ACVR2B: variants seen among roughly 807,000 people sequenced by gnomAD.
ACVR2B encodes the protein activin A receptor type 2B.
Under a neutral mutation model 65.1 loss-of-function variants are expected in ACVR2B, and 18 were observed. The observed-to-expected ratio is 0.28, with a 90% CI of 0.19 to 0.41. ACVR2B has a LOEUF of 0.41. Ranked by LOEUF, ACVR2B falls within the 10% of genes least tolerant of loss-of-function variation. ACVR2B has a pLI of 1.00. For missense variants in ACVR2B, 482 were observed against 682.7 expected (o/e 0.71, Z 3.28); for synonymous variants, 298 against 277.7 (o/e 1.07, Z -0.73).
Position 38,454,259 on chromosome 3 carries a change from C to A in ACVR2B, c.-64C>A. On this transcript the variant is annotated 5_prime_UTR_variant, in exon 1 of 11. Coordinates refer to ENST00000352511, the MANE Select transcript of ACVR2B (RefSeq NM_001106.4). ...CGCAGCCGCCGCCTGGCCCTGCGCG[C>A]CCCGGGAGCGCCGTGCGGCCCTGCC... 3.4e-6 allele frequency: 4 copies of A among 1,170,130 alleles called. No individual in the cohort carries two copies. The highest frequency in any genetic ancestry group is 4.2e-6 in the Non-Finnish European group (4 of 943,480). 72.5% of individuals were successfully genotyped at this position (1,170,130 alleles called of 1,614,324 possible).
chr3:38,463,989 A>C (rs1709689951), intron 1 of ACVR2B, among the ~76,000 whole-genome samples: 1 of 152,124 alleles, frequency 6.6e-6, no homozygotes, highest in South Asian at 2.1e-4. Flanking sequence ...GTCCTGTTGG[A>C]CTGGAGGCCC....
rs1229497221 is a variant in ACVR2B, at chr3:38,485,227, A to G, written c.*1895A>G. 1 of 152,264 alleles carries G rather than the reference A, an allele frequency of 6.6e-6. No individual in the cohort carries two copies. Among genetic ancestry groups the G allele is most frequent in the Non-Finnish European group, 1.5e-5 (1 of 68,056 alleles). 9.4% of individuals were successfully genotyped at this position (152,264 alleles called of 1,614,324 possible). ...CATGTAACATGTAACTTGATCGGTC[A>G]GTGTTCAGAATGACAAGTAACCCCG... On this transcript the variant is annotated 3_prime_UTR_variant, in exon 11 of 11. Transcript: ENST00000352511.
chr3:38,461,576 T>C (rs1189579622), intron 1 of ACVR2B, among the ~76,000 whole-genome samples: 1 of 152,058 alleles, frequency 6.6e-6, no homozygotes, highest in Non-Finnish European at 1.5e-5. Context: ...GCCAGGGCAA[T>C]GTAGTCCTAT....
chr3:38,487,818 C>G lies in ACVR2B; in HGVS notation c.*4486C>G, dbSNP rs886058409. The G allele has an allele frequency of 3.9e-5, 6 of 152,254 alleles. No individual in the cohort carries two copies. The East Asian group carries it at 9.6e-4, about 24-fold the overall frequency. The allele number at this position is 152,254 out of a possible 1,614,324, so 9.4% of individuals were successfully genotyped here. On this transcript the variant is annotated 3_prime_UTR_variant, in exon 11 of 11. Transcript: ENST00000352511. Reference sequence around the variant, plus strand: ...TAGAAGTTGGACAGCTAGTTATTCTCGAGAACTTTATTTCACTAGAAAAAT... The same window carrying G: ...TAGAAGTTGGACAGCTAGTTATTCTGGAGAACTTTATTTCACTAGAAAAAT...
chr3:38,456,277 A>C (rs1709549204), intron 1 of ACVR2B, among the ~76,000 whole-genome samples: 1 of 152,204 alleles, frequency 6.6e-6, no homozygotes, highest in Admixed American at 6.5e-5. Flanking sequence ...GAGCTGCCCC[A>C]GGCCCAGTTT....
intron 8 of ACVR2B, 114 bp from the exon 9 acceptor site, chr3:38,482,084 C>CT: frequency 7.2e-7 from 1 of 1,389,762 alleles, no homozygotes; most frequent in Non-Finnish European, 1.0e-6. Flanking sequence ...GATAACCTGT[C>CT]TGAATTGCTC....
rs1575589509 is a variant in ACVR2B, at chr3:38,481,737, A to G, written c.1074+272A>G. On this transcript the variant is annotated intron_variant, in intron 8 of 10. Coordinates refer to ENST00000352511, the MANE Select transcript of ACVR2B (RefSeq NM_001106.4). This position sits in a 1 kb window ranked among gnomAD's most constrained non-coding sequence, Gnocchi z 4.7. Reference sequence around the variant, plus strand: ...TCCTTGCAATCTTAGTCTTTCTCTCACTTTTTTAGTTTTAATTCCTAAGAC... The same window carrying G: ...TCCTTGCAATCTTAGTCTTTCTCTCGCTTTTTTAGTTTTAATTCCTAAGAC... Among the ~76,000 whole-genome samples, 1 of 152,342 alleles carries G rather than the reference A, an allele frequency of 6.6e-6. No homozygotes were observed. Among genetic ancestry groups the G allele is most frequent in the Admixed American group, 6.5e-5 (1 of 15,304 alleles).
At chr3:38,479,422 T>C (rs1208278197) in intron 6 of ACVR2B, 151 bp downstream of exon 6, 6 of 1,284,986 alleles carry the variant, frequency 4.7e-6, no homozygotes, top group South Asian at 2.5e-5. Context: ...ACTCCTGCCA[T>C]AGGTGTGGAC....
intron 1 of ACVR2B, among the ~76,000 whole-genome samples, chr3:38,459,947 G>T (rs910188195): frequency 1.1e-4 from 17 of 152,184 alleles, no homozygotes; most frequent in Non-Finnish European, 1.8e-4. Context: ...GCTAGGGAAC[G>T]CTTCTGTGGG....
rs537755409 is a variant in ACVR2B, at chr3:38,483,056, T to C, written c.1345-82T>C. The C allele has an allele frequency of 6.6e-7, 1 of 1,520,904 alleles. No homozygotes were observed. The highest frequency in any genetic ancestry group is 1.1e-5 in the South Asian group (1 of 88,964). The allele number at this position is 1,520,904 out of a possible 1,614,324, so 94.2% of individuals were successfully genotyped here. ...GGGCTCTGCCTGATCCTTGGGAATA[T>C]CAAGTTTACTGTCCCCCAAAGCTTT... On this transcript the variant is annotated intron_variant, in intron 10 of 10. Transcript: ENST00000352511. This position sits in a 1 kb window ranked among gnomAD's most constrained non-coding sequence, Gnocchi z 4.8.
At chr3:38,459,446 C>T (rs1007043204) in intron 1 of ACVR2B, 2 of 252,194 alleles carry the variant, frequency 7.9e-6, no homozygotes, top group Admixed American at 1.3e-4. Context: ...CGCAGAAATG[C>T]CAGGAAGTGC....
chr3:38,469,568 A>G (rs948645413), intron 1 of ACVR2B, among the ~76,000 whole-genome samples: 2 of 152,192 alleles, frequency 1.3e-5, no homozygotes, highest in African/African-American at 2.4e-5. Context: ...GCCTATGCTC[A>G]TGTGAGCTTG....
chr3:38,466,203 G>C lies in ACVR2B; in HGVS notation c.53-11084G>C, dbSNP rs1350411477. Among the ~76,000 whole-genome samples, 4 of 152,336 alleles carry C rather than the reference G, an allele frequency of 2.6e-5. No individual in the cohort carries two copies. In the East Asian group the frequency reaches 7.7e-4, roughly 29 times the overall value. On this transcript the variant is annotated intron_variant, in intron 1 of 10. Transcript: ENST00000352511. ...AGAGCGTAGAATAGTGGTTACCAGA[G>C]GCTAAGGAGGTAGGTAGGAGGTCAG...
At position 38,491,482 on chromosome 3, in the gene ACVR2B, G is replaced by A. The variant is rs928719007; in HGVS notation, c.*8150G>A. 2.0e-5 allele frequency: 3 copies of A among 152,654 alleles called. No homozygotes were observed. The highest frequency in any genetic ancestry group is 2.1e-4 in the South Asian group (1 of 4,832). The allele number at this position is 152,654 out of a possible 1,614,324, so 9.5% of individuals were successfully genotyped here. ...TCAGTCCCTGCAAGTGCTTTAGCCC[G>A]AGTGGGGTTTTCTCAGAGCACTGCC... On this transcript the variant is annotated 3_prime_UTR_variant, in exon 11 of 11. Coordinates refer to ENST00000352511, the MANE Select transcript of ACVR2B (RefSeq NM_001106.4).
intron 1 of ACVR2B, among the ~76,000 whole-genome samples, chr3:38,455,048 C>A (rs978504393): frequency 2.0e-5 from 3 of 152,170 alleles, no homozygotes; most frequent in Admixed American, 6.5e-5. Context: ...GGTCCCTCTT[C>A]CTTCGGGCCT....
chr3:38,482,974 T>A (rs1215035587), intron 10 of ACVR2B, among the ~76,000 whole-genome samples, 164 bp from the exon 11 acceptor site: 1 of 152,182 alleles, frequency 6.6e-6, no homozygotes, highest in East Asian at 1.9e-4. Context: ...GCATGCTGAT[T>A]CCTGAAGTTT....
In ACVR2B at chr3:38,484,361, G is replaced by A. The variant is rs937168998; in HGVS notation, c.*1029G>A. 3.9e-5 allele frequency: 6 copies of A among 152,178 alleles called. No homozygotes were observed. Among genetic ancestry groups the A allele is most frequent in the African/African-American group, 1.4e-4 (6 of 41,452 alleles). 9.4% of individuals were successfully genotyped at this position (152,178 alleles called of 1,614,324 possible). On this transcript the variant is annotated 3_prime_UTR_variant, in exon 11 of 11. Coordinates refer to ENST00000352511, the MANE Select transcript of ACVR2B (RefSeq NM_001106.4). ...TTTGTTTCCTCTTGGAGCAGTTCAGGGAAATGCCCACAGGGGATTGTCCTG... is the reference window on the plus strand; with the variant it reads ...TTTGTTTCCTCTTGGAGCAGTTCAGAGAAATGCCCACAGGGGATTGTCCTG...
chr3:38,479,552 C>A lies in ACVR2B; in HGVS notation c.811-126C>A. On this transcript the variant is annotated intron_variant, in intron 6 of 10. Transcript: ENST00000352511. The stretch of plus-strand genomic sequence containing the variant: ...TCCTGGCCTCATCCATCTTCCATAT[C>A]GATTGTAGTAGCCTTCCAGGAGAGC... 2.5e-6 allele frequency: 3 copies of A among 1,213,096 alleles called. 1 individual carries two copies. The South Asian group carries it at 3.7e-5, about 15-fold the overall frequency. 75.1% of individuals were successfully genotyped at this position (1,213,096 alleles called of 1,614,324 possible).
chr3:38,463,929 C>A (rs985360593), intron 1 of ACVR2B, among the ~76,000 whole-genome samples: 4 of 152,174 alleles, frequency 2.6e-5, no homozygotes, highest in Non-Finnish European at 5.9e-5. Context: ...TTGCTATGTA[C>A]TTTTTGCTGT....
Sources: gnomAD v4.1 joint callset for allele counts (sites outside exome capture counted in the v4.1 genomes callset) on GRCh38, gnomAD v4.1.1 for gene constraint, Gnocchi (gnomAD v3.1) non-coding constraint, MANE v1.5 for transcripts, NCBI Gene and HGNC (gene_info 2026-07-23, HGNC 2026-07-21) for gene names.